OPRD1: variants seen among roughly 807,000 people sequenced by gnomAD.
The protein encoded by OPRD1 is opioid receptor delta 1, also known as delta-type opioid receptor.
A neutral mutation model predicts 17.5 loss-of-function variants in OPRD1; 19 were observed. That is an observed-to-expected ratio of 1.09 (90% CI 0.76 to 1.60). OPRD1 has a LOEUF of 1.60. Among genes scored for constraint, OPRD1 ranks in the 40% most tolerant of loss-of-function variants. The probability of loss-of-function intolerance (pLI) is 0.00; values close to 1 mark genes in which losing one functional copy is unlikely to be tolerated. For synonymous variants in OPRD1, 256 were observed against 240.9 expected (o/e 1.06, Z -0.58); for missense variants, 483 against 547.2 (o/e 0.88, Z 1.17).
At position 28,859,030 on chromosome 1, in the gene OPRD1, C is replaced by G. The variant is rs1303994600; in HGVS notation, c.304C>G (p.Leu102Val). 5 of 1,614,170 alleles carry G rather than the reference C, an allele frequency of 3.1e-6. No homozygotes were observed. Among genetic ancestry groups the G allele is most frequent in the Non-Finnish European group, 4.2e-6 (5 of 1,180,048 alleles). Residue 102 changes from leucine (L) to valine (V), a missense_variant, in exon 2 of 3, where the codon CTG becomes GTG. Physicochemically the swap from Leu to Val is conservative, Grantham distance 32. Coordinates refer to ENST00000234961, the MANE Select transcript of OPRD1 (RefSeq NM_000911.4). ...AGCCGATGCGCTGGCCACCAGCACG[C>G]TGCCTTTCCAGAGTGCCAAGTACCT... ...ALADALATSTLPFQSAKYLME... is the reference protein window; with the variant it reads ...ALADALATSTVPFQSAKYLME...
intron 1 of OPRD1, among the ~76,000 whole-genome samples, chr1:28,852,868 G>A (rs952237357): frequency 3.3e-5 from 5 of 152,050 alleles, no homozygotes; most frequent in East Asian, 3.9e-4. Context: ...ACAGGTGCCC[G>A]CCACCACACC....
chr1:28,834,506 G>A (rs2088833893), intron 1 of OPRD1, among the ~76,000 whole-genome samples: 1 of 150,466 alleles, frequency 6.6e-6, no homozygotes, highest in East Asian at 2.0e-4. Context: ...TCAGCCTCCT[G>A]AGTAGCTGGG....
chr1:28,829,742 C>T (rs1476931832), intron 1 of OPRD1, among the ~76,000 whole-genome samples: 1 of 152,148 alleles, frequency 6.6e-6, no homozygotes, highest in African/African-American at 2.4e-5. Flanking sequence ...CAGGGTCTTG[C>T]TCTGTCGCCC....
chr1:28,840,729 C>T (rs1174108287), intron 1 of OPRD1, among the ~76,000 whole-genome samples: 1 of 152,102 alleles, frequency 6.6e-6, no homozygotes, highest in African/African-American at 2.4e-5. Context: ...CAAGACCAGC[C>T]TGGCCAACAT....
chr1:28,868,664 AC>A lies in OPRD1; in HGVS notation c.*5384del, dbSNP rs2089194500. ...ACACCAGCCTGACCAACATGGTGAA[AC>A]CCTGTCTGTACTAAAAACACAAAAA... On this transcript the variant is annotated 3_prime_UTR_variant, in exon 3 of 3. Coordinates refer to ENST00000234961, the MANE Select transcript of OPRD1 (RefSeq NM_000911.4). 6.6e-6 allele frequency: 1 copy of A among 152,042 alleles called. No homozygotes were observed. Among genetic ancestry groups the A allele is most frequent in the Admixed American group, 6.6e-5 (1 of 15,242 alleles). The allele number at this position is 152,042 out of a possible 1,614,324, so 9.4% of individuals were successfully genotyped here.
At chr1:28,819,032 G>T (rs1356543613) in intron 1 of OPRD1, among the ~76,000 whole-genome samples, 1 of 151,898 alleles carries the variant, frequency 6.6e-6, no homozygotes, top group Non-Finnish European at 1.5e-5. Flanking sequence ...GTGGGGGTGA[G>T]GGGTGGATTG....
chr1:28,815,225 C>T (rs2088663563), intron 1 of OPRD1, among the ~76,000 whole-genome samples: 1 of 152,142 alleles, frequency 6.6e-6, no homozygotes, highest in Admixed American at 6.5e-5. Flanking sequence ...GCGATCCTCC[C>T]ACCTCAGGCT....
At chr1:28,851,878 A>AG (rs961227574) in intron 1 of OPRD1, among the ~76,000 whole-genome samples, 11 of 141,834 alleles carry the variant, frequency 7.8e-5, no homozygotes, top group African/African-American at 1.0e-4. Flanking sequence ...AAAAAAAAAA[A>AG]AAGAAGAAGC....
intron 1 of OPRD1, among the ~76,000 whole-genome samples, chr1:28,824,313 CTTTTTTTT>C (rs58074384): frequency 0.039 from 4,238 of 109,948 alleles, 201 homozygotes; most frequent in African/African-American, 0.14. Flanking sequence ...TTTCTTTTTT[CTTTTTTTT>C]TTTTTTTTTT....
chr1:28,845,985 G>A (rs1369458388), intron 1 of OPRD1, among the ~76,000 whole-genome samples: 5 of 152,140 alleles, frequency 3.3e-5, no homozygotes, highest in Admixed American at 2.6e-4. Context: ...AGTCTTCAAT[G>A]GCTTCCTGTT....
intron 1 of OPRD1, among the ~76,000 whole-genome samples, chr1:28,838,979 G>A (rs575434611): frequency 5.9e-5 from 9 of 152,186 alleles, no homozygotes; most frequent in Admixed American, 4.6e-4. Flanking sequence ...AGGCACCATC[G>A]TGGCACACTA....
At chr1:28,857,691 G>T (rs1379923872) in intron 1 of OPRD1, among the ~76,000 whole-genome samples, 1 of 152,106 alleles carries the variant, frequency 6.6e-6, no homozygotes, top group East Asian at 1.9e-4. Context: ...TCACTGTGTC[G>T]CCCAGGGTGG....
chr1:28,852,850 C>T (rs1241146044), intron 1 of OPRD1, among the ~76,000 whole-genome samples: 2 of 152,046 alleles, frequency 1.3e-5, no homozygotes, highest in Admixed American at 6.6e-5. Flanking sequence ...TCCCGAGTTG[C>T]TGAGACTACA....
intron 1 of OPRD1, among the ~76,000 whole-genome samples, chr1:28,843,373 G>A (rs76574908): frequency 3.8e-3 from 574 of 152,240 alleles, no homozygotes; most frequent in Middle Eastern, 0.02. Flanking sequence ...CATCACAACC[G>A]TTCGTCTCCA....
chr1:28,833,492 C>T (rs1414750470), intron 1 of OPRD1, among the ~76,000 whole-genome samples: 1 of 152,206 alleles, frequency 6.6e-6, no homozygotes, highest in Non-Finnish European at 1.5e-5. Flanking sequence ...GGAGTTTCTT[C>T]TGAGAAATCT....
chr1:28,856,028 T>A (rs963779021), intron 1 of OPRD1, among the ~76,000 whole-genome samples: 1 of 152,196 alleles, frequency 6.6e-6, no homozygotes, highest in Non-Finnish European at 1.5e-5. Context: ...TATTCCGTCA[T>A]TCAAAAACAC....
intron 1 of OPRD1, among the ~76,000 whole-genome samples, chr1:28,836,489 G>C (rs573418875): frequency 7.2e-6 from 1 of 139,698 alleles, no homozygotes; most frequent in South Asian, 2.4e-4. Flanking sequence ...CAGCCTGGGC[G>C]ACAGAGCGAG....
intron 1 of OPRD1, among the ~76,000 whole-genome samples, chr1:28,849,828 CAA>C (rs1227027262): frequency 3.4e-5 from 5 of 148,084 alleles, no homozygotes; most frequent in African/African-American, 1.0e-4. Context: ...AAAGGAATAA[CAA>C]GAGAAGAAGA....
At position 28,863,372 on chromosome 1, in the gene OPRD1, G is replaced by A. The variant is rs1469078787; in HGVS notation, c.*89G>A. The A allele has an allele frequency of 7.4e-6, 10 of 1,345,476 alleles. No homozygotes were observed. Among genetic ancestry groups the A allele is most frequent in the Non-Finnish European group, 9.6e-6 (10 of 1,041,640 alleles). 83.3% of individuals were successfully genotyped at this position (1,345,476 alleles called of 1,614,324 possible). ...GGAGGCGCGAGCCATGATGTGGAGTGGGGCAGTAGAAGGTCGGAGGCTTGG... is the reference window on the plus strand; with the variant it reads ...GGAGGCGCGAGCCATGATGTGGAGTAGGGCAGTAGAAGGTCGGAGGCTTGG... On this transcript the variant is annotated 3_prime_UTR_variant, in exon 3 of 3. Transcript: ENST00000234961.
Sources: allele counts gnomAD v4.1 joint callset (sites outside exome capture counted in the v4.1 genomes callset), GRCh38; gene constraint gnomAD v4.1.1; transcripts MANE v1.5; gene names NCBI Gene and HGNC (gene_info 2026-07-23, HGNC 2026-07-21).